The following CRTC3 variants were observed in gnomAD, a reference collection of about 807,000 sequenced individuals.
The protein encoded by CRTC3 is CREB regulated transcription coactivator 3, also known as CREB-regulated transcription coactivator 3.
A neutral mutation model predicts 74.5 loss-of-function variants in CRTC3; 26 were observed. That is an observed-to-expected ratio of 0.35 (90% CI 0.26 to 0.48). The LOEUF (loss-of-function observed/expected upper bound fraction) is 0.48, where lower values mean the gene tolerates loss of function less well. Among genes scored for constraint, CRTC3 ranks in the 20% least tolerant of loss-of-function variants. The pLI is 0.99. For synonymous variants in CRTC3, 377 were observed against 325.8 expected (o/e 1.16, Z -1.69); for missense variants, 760 against 787.3 (o/e 0.97, Z 0.41).
chr15:90,565,482 A>T (rs1398145591), intron 2 of CRTC3, among the ~76,000 whole-genome samples: 2 of 152,146 alleles, frequency 1.3e-5, no homozygotes, highest in South Asian at 4.1e-4. Flanking sequence ...GGGTAATGCA[A>T]TGTGCTCTTG....
At position 90,614,274 on chromosome 15, in the gene CRTC3, GCTATACCTAT is replaced by G. The variant is rs1190102512; in HGVS notation, c.578-178_578-169del. ...AGGAACCAAATTTAGTTTCAAATTA[GCTATACCTAT>G]TTTTAGTATAAATGATAAAGCACCT... On this transcript the variant is annotated intron_variant, in intron 6 of 14. Coordinates refer to ENST00000268184, the MANE Select transcript of CRTC3 (RefSeq NM_022769.5). The G allele has an allele frequency of 9.2e-6, 5 of 541,820 alleles. No homozygotes were observed. The East Asian group carries it at 1.2e-4, about 13-fold the overall frequency. The allele number at this position is 541,820 out of a possible 1,614,324, so 33.6% of individuals were successfully genotyped here.
chr15:90,638,906 A>C lies in CRTC3; in HGVS notation c.1548+91A>C. The C allele has an allele frequency of 2.8e-6, 3 of 1,061,266 alleles. No individual in the cohort carries two copies. In the South Asian group the frequency reaches 3.9e-5, roughly 14 times the overall value. The allele number at this position is 1,061,266 out of a possible 1,614,324, so 65.7% of individuals were successfully genotyped here. The stretch of plus-strand genomic sequence containing the variant: ...TGTAGAATTCAGAACTGAGCAGACC[A>C]GACATGCCACTTTCCTGGTTCTGGT... On this transcript the variant is annotated intron_variant, in intron 13 of 14. Transcript: ENST00000268184.
At chr15:90,640,063 AAAT>A (rs1230956984) in intron 13 of CRTC3, among the ~76,000 whole-genome samples, 29 of 152,048 alleles carry the variant, frequency 1.9e-4, no homozygotes, top group Admixed American at 1.8e-3. Flanking sequence ...TAAGTAAATA[AAAT>A]AATAATAATA....
At chr15:90,605,523 TA>T (rs1361136156) in intron 5 of CRTC3, among the ~76,000 whole-genome samples, 5 of 152,224 alleles carry the variant, frequency 3.3e-5, no homozygotes, top group African/African-American at 1.2e-4. Context: ...AATAACTCCT[TA>T]ATATAATTCA....
intron 2 of CRTC3, among the ~76,000 whole-genome samples, chr15:90,556,208 C>T (rs567545037): frequency 2.0e-4 from 30 of 151,882 alleles, no homozygotes; most frequent in South Asian, 1.7e-3. Flanking sequence ...ATTTCCCCAA[C>T]GGACATTTTA....
At chr15:90,557,954 A>G (rs558756189) in intron 2 of CRTC3, among the ~76,000 whole-genome samples, 9 of 152,158 alleles carry the variant, frequency 5.9e-5, no homozygotes, top group Admixed American at 3.3e-4. Context: ...ACAGTGACCA[A>G]TGCACTTTCC....
rs769502308 is a variant in CRTC3 at position 90,642,090 on chromosome 15, G to C, written c.1810G>C (p.Gly604Arg). ...CAACATGTTAAGTGACTCCAGCATG[G>C]GCCTGCTGGACCCCTCTGTTGAAGA... ...GLNMLSDSSM[G>R]LLDPSVEETF... The change falls in exon 15 of 15, where the codon GGC becomes CGC. Residue 604 changes from glycine (G) to arginine (R), a missense_variant. By Grantham distance (125) the Gly-to-Arg change is moderately radical. This residue lies in a region of CRTC3 where 652 missense variants were observed against 635.2 expected (regional missense o/e 1.03). Coordinates refer to ENST00000268184, the MANE Select transcript of CRTC3 (RefSeq NM_022769.5). 20 of 1,613,862 alleles carry C rather than the reference G, an allele frequency of 1.2e-5. No individual in the cohort carries two copies. Among genetic ancestry groups the C allele is most frequent in the Non-Finnish European group, 1.6e-5 (19 of 1,179,994 alleles).
At position 90,630,793 on chromosome 15, in the gene CRTC3, CG is replaced by C. The variant is rs1223060614; in HGVS notation, c.1266+1263del. Among the ~76,000 whole-genome samples, 2 of 4,824 alleles carry C rather than the reference CG, an allele frequency of 4.1e-4. 1 individual carries two copies. Among genetic ancestry groups the C allele is most frequent in the African/African-American group, 7.0e-4 (2 of 2,838 alleles). The allele number at this position is 4,824 out of a possible 152,430, so 3.2% of individuals were successfully genotyped here. A position where few individuals can be genotyped will look rare whatever the true frequency, so the allele number is the denominator to read the frequency against. On this transcript the variant is annotated intron_variant, in intron 11 of 14. Transcript: ENST00000268184. ...TTTTTTTTTTTTTTTTTTTTTGAGA[CG>C]GAGTCTCGCTCTGTCGCCCAGGTCG... is the stretch of plus-strand genomic sequence containing the variant.
At chr15:90,583,806 G>T (rs907406833) in intron 2 of CRTC3, among the ~76,000 whole-genome samples, 2 of 152,090 alleles carry the variant, frequency 1.3e-5, no homozygotes, top group Non-Finnish European at 2.9e-5. Flanking sequence ...TGACGCTGGA[G>T]ATTTGTTATA....
At chr15:90,611,093 A>G (rs1485309224) in intron 6 of CRTC3, among the ~76,000 whole-genome samples, 4 of 152,296 alleles carry the variant, frequency 2.6e-5, no homozygotes, top group African/African-American at 9.6e-5. Context: ...GGGCGGGGGT[A>G]CAGTGGCAGG....
chr15:90,566,712 CTTTT>C (rs71154114), intron 2 of CRTC3, among the ~76,000 whole-genome samples: 7 of 126,284 alleles, frequency 5.5e-5, no homozygotes, highest in Admixed American at 8.0e-5. Flanking sequence ...TTCCTCCTTT[CTTTT>C]TTTTTTTTTT....
intron 2 of CRTC3, among the ~76,000 whole-genome samples, chr15:90,589,990 T>A (rs1967761962): frequency 6.7e-6 from 1 of 149,778 alleles, no homozygotes; most frequent in South Asian, 2.1e-4. Flanking sequence ...TCTCAAAAAA[T>A]AAAAAAATTA....
At chr15:90,557,179 A>G (rs1185892946) in intron 2 of CRTC3, among the ~76,000 whole-genome samples, 3 of 152,120 alleles carry the variant, frequency 2.0e-5, no homozygotes, top group Non-Finnish European at 4.4e-5. Flanking sequence ...GAGTCTGAGA[A>G]CAAACTTAGC....
intron 3 of CRTC3, among the ~76,000 whole-genome samples, chr15:90,597,505 A>G (rs1351113235): frequency 6.6e-6 from 1 of 152,164 alleles, no homozygotes; most frequent in Admixed American, 6.5e-5. Context: ...TTTCATCATA[A>G]TGAGATGAAA....
chr15:90,560,666 C>G (rs73490314), intron 2 of CRTC3, among the ~76,000 whole-genome samples: 1,709 of 152,314 alleles, frequency 0.011, 33 homozygotes, highest in African/African-American at 0.039. Flanking sequence ...TGCAGATCCT[C>G]AAAGGTCTGG....
intron 9 of CRTC3, among the ~76,000 whole-genome samples, chr15:90,621,361 C>T (rs767053815): frequency 1.4e-4 from 21 of 149,606 alleles, no homozygotes; most frequent in African/African-American, 5.2e-4. Context: ...ATCGCTCTGT[C>T]GCTCAGGCTG....
At position 90,638,753 on chromosome 15, in the gene CRTC3, T is replaced by C. The variant is rs149038663; in HGVS notation, c.1486T>C (p.Phe496Leu). ...LPAQGSSLTN[F>L]FPDVGFDQQS... is the part of the protein sequence containing the mutation. Reference sequence around the variant, plus strand: ...CCTGAAGGGCTCATCTTTGACCAACTTCTTCCCAGATGTGGGTTTTGACCA... The same window carrying C: ...CCTGAAGGGCTCATCTTTGACCAACCTCTTCCCAGATGTGGGTTTTGACCA... The change falls in exon 13 of 15, where the codon TTC becomes CTC. Residue 496 changes from phenylalanine (F) to leucine (L), a missense_variant. By Grantham distance (22) the Phe-to-Leu change is conservative. Around this residue, in one of 2 missense-constraint regions of CRTC3, gnomAD observed 652 missense variants for 635.2 expected, o/e 1.03. Transcript: ENST00000268184. 1 of 1,614,066 alleles carries C rather than the reference T, an allele frequency of 6.2e-7. No homozygotes were observed. Among genetic ancestry groups the C allele is most frequent in the African/African-American group, 1.3e-5 (1 of 74,926 alleles).
chr15:90,621,789 C>A (rs1968660826), intron 9 of CRTC3, among the ~76,000 whole-genome samples: 1 of 152,198 alleles, frequency 6.6e-6, no homozygotes, highest in Non-Finnish European at 1.5e-5. Context: ...GAGAAAGTTG[C>A]TTTCTTGCTC....
intron 5 of CRTC3, among the ~76,000 whole-genome samples, chr15:90,605,696 G>T (rs180777636): frequency 1.3e-5 from 2 of 152,288 alleles, no homozygotes; most frequent in East Asian, 3.9e-4. Flanking sequence ...GCCCTTGTCT[G>T]CCTCTTCCCT....
Sources: allele counts gnomAD v4.1 joint callset (sites outside exome capture counted in the v4.1 genomes callset), GRCh38; gene constraint gnomAD v4.1.1; regional missense constraint gnomAD v4.1.1; transcripts MANE v1.5; gene names NCBI Gene and HGNC (gene_info 2026-07-23, HGNC 2026-07-21).